EFNA5: variants seen among roughly 807,000 people sequenced by gnomAD.
The protein encoded by EFNA5 is ephrin-A5.
EFNA5 carries 5 observed loss-of-function variants against 22.9 expected under a neutral mutation model. That is an observed-to-expected ratio of 0.22 (90% CI 0.11 to 0.46). EFNA5 has a LOEUF of 0.46. Ranked by LOEUF, EFNA5 falls within the 20% of genes least tolerant of loss-of-function variation. The probability of loss-of-function intolerance (pLI) is 0.99; values close to 1 mark genes in which losing one functional copy is unlikely to be tolerated. For missense variants in EFNA5, 237 were observed against 293.3 expected (o/e 0.81, Z 1.40); for synonymous variants, 113 against 112.2 (o/e 1.01, Z -0.04).
chr5:107,646,804 C>T (rs2112549425), intron 1 of EFNA5, among the ~76,000 whole-genome samples: 1 of 152,210 alleles, frequency 6.6e-6, no homozygotes, highest in Admixed American at 6.5e-5. Flanking sequence ...ATGTCCTTGA[C>T]CACAAATAAA....
chr5:107,647,785 TA>T (rs752828615), intron 1 of EFNA5, among the ~76,000 whole-genome samples: 2 of 152,138 alleles, frequency 1.3e-5, no homozygotes, highest in Non-Finnish European at 2.9e-5. Flanking sequence ...TGACTGTGAT[TA>T]GTCCACCGAA....
At chr5:107,625,317 A>G (rs1031967689) in intron 1 of EFNA5, among the ~76,000 whole-genome samples, 2 of 152,146 alleles carry the variant, frequency 1.3e-5, no homozygotes, top group African/African-American at 4.8e-5. Context: ...GCATTCTTAT[A>G]TGCAGCTACC....
chr5:107,382,272 T>A (rs1470596759), intron 4 of EFNA5, among the ~76,000 whole-genome samples: 1 of 152,236 alleles, frequency 6.6e-6, no homozygotes, highest in African/African-American at 2.4e-5. Flanking sequence ...CAAAGAGAGG[T>A]TGGAGGCTTG....
At chr5:107,412,966 C>T (rs955565168) in intron 2 of EFNA5, among the ~76,000 whole-genome samples, 2 of 152,080 alleles carry the variant, frequency 1.3e-5, no homozygotes, top group Non-Finnish European at 2.9e-5. Context: ...ATTAAAAGTA[C>T]CCATAAAAAT....
At chr5:107,551,284 G>C (rs1455332292) in intron 1 of EFNA5, among the ~76,000 whole-genome samples, 1 of 152,210 alleles carries the variant, frequency 6.6e-6, no homozygotes, top group Non-Finnish European at 1.5e-5. Flanking sequence ...GGGTCTGCCA[G>C]TGTTTGTTTG....
chr5:107,442,571 A>G (rs1262472745), intron 1 of EFNA5, among the ~76,000 whole-genome samples: 1 of 152,166 alleles, frequency 6.6e-6, no homozygotes, highest in African/African-American at 2.4e-5. Flanking sequence ...TCAACTGTCT[A>G]TTGCATTAGC....
intron 1 of EFNA5, among the ~76,000 whole-genome samples, chr5:107,466,539 T>C (rs1328095097): frequency 6.6e-6 from 1 of 152,188 alleles, no homozygotes; most frequent in Non-Finnish European, 1.5e-5. Context: ...GTGAATGGAA[T>C]GCTACCCTTC....
intron 1 of EFNA5, among the ~76,000 whole-genome samples, chr5:107,564,882 A>G (rs1258405015): frequency 6.6e-6 from 1 of 152,204 alleles, no homozygotes; most frequent in Non-Finnish European, 1.5e-5. Context: ...AACTGAACAT[A>G]AAGAGTTCCA....
intron 1 of EFNA5, among the ~76,000 whole-genome samples, chr5:107,601,124 G>A (rs921105375): frequency 6.6e-6 from 1 of 152,148 alleles, no homozygotes; most frequent in Non-Finnish European, 1.5e-5. Flanking sequence ...AAGTAACTTC[G>A]AAAGAGGTTT....
At chr5:107,520,643 A>G (rs1738848879) in intron 1 of EFNA5, among the ~76,000 whole-genome samples, 1 of 152,216 alleles carries the variant, frequency 6.6e-6, no homozygotes, top group African/African-American at 2.4e-5. Context: ...GTTGAACCGA[A>G]TAAGTCTGCC....
chr5:107,557,249 TTTG>T (rs1748441300), intron 1 of EFNA5, among the ~76,000 whole-genome samples: 2 of 151,546 alleles, frequency 1.3e-5, no homozygotes, highest in South Asian at 2.1e-4. Context: ...TTAGCAAACA[TTTG>T]TTAAATGAGA....
At chr5:107,521,398 C>G (rs1354411413) in intron 1 of EFNA5, among the ~76,000 whole-genome samples, 1 of 151,374 alleles carries the variant, frequency 6.6e-6, no homozygotes, top group African/African-American at 2.4e-5. Flanking sequence ...TCAAGTGATC[C>G]TCCTACCTCT....
At chr5:107,394,106 T>C (rs1007996735) in intron 2 of EFNA5, among the ~76,000 whole-genome samples, 9 of 152,208 alleles carry the variant, frequency 5.9e-5, no homozygotes, top group African/African-American at 2.2e-4. Context: ...AAGAACAAAA[T>C]CATGTGTTAT....
intron 1 of EFNA5, among the ~76,000 whole-genome samples, chr5:107,496,352 A>C (rs1746985250): frequency 2.0e-5 from 3 of 148,320 alleles, no homozygotes; most frequent in East Asian, 3.9e-4. Flanking sequence ...AAAAAAAAAA[A>C]ACAAAAAAAC....
intron 1 of EFNA5, among the ~76,000 whole-genome samples, chr5:107,610,007 G>T (rs563742733): frequency 2.0e-5 from 3 of 152,180 alleles, no homozygotes; most frequent in African/African-American, 7.2e-5. Flanking sequence ...CAATAGAAAG[G>T]GAAGGGGGAA....
chr5:107,637,377 A>T (rs1400152028), intron 1 of EFNA5, among the ~76,000 whole-genome samples: 1 of 152,202 alleles, frequency 6.6e-6, no homozygotes, highest in East Asian at 1.9e-4. Context: ...GCATCTGTCA[A>T]GAAAATCACA....
rs187612524 is a variant in EFNA5 at position 107,434,545 on chromosome 5, A to G, written c.126-7036T>C. 2.6e-5 allele frequency among the ~76,000 whole-genome samples: 4 copies of G among 152,344 alleles called. No homozygotes were observed. The East Asian group carries it at 5.8e-4, about 22-fold the overall frequency. On this transcript the variant is annotated intron_variant, in intron 1 of 4. Coordinates refer to ENST00000333274, the MANE Select transcript of EFNA5 (RefSeq NM_001962.3). ...TTTTAGTAGCTGGAAAAGGAAGGGT[A>G]TGGTGCATATTTAAAATGTTCTAAA...
intron 1 of EFNA5, among the ~76,000 whole-genome samples, chr5:107,510,192 G>A (rs574392657): frequency 6.6e-6 from 1 of 152,280 alleles, no homozygotes; most frequent in South Asian, 2.1e-4. Context: ...GGTCATCCTC[G>A]CTGCTCATTA....
intron 1 of EFNA5, among the ~76,000 whole-genome samples, chr5:107,500,308 C>G (rs1365851070): frequency 6.6e-6 from 1 of 152,220 alleles, no homozygotes; most frequent in Non-Finnish European, 1.5e-5. Context: ...TGATCTTTTA[C>G]GTTTTCCCTA....
Sources: allele counts gnomAD v4.1 joint callset (sites outside exome capture counted in the v4.1 genomes callset), GRCh38; gene constraint gnomAD v4.1.1; transcripts MANE v1.5; gene names NCBI Gene and HGNC (gene_info 2026-07-23, HGNC 2026-07-21).